The following ANKRD30B variants were observed in gnomAD, a reference collection of about 807,000 sequenced individuals.
ANKRD30B encodes the protein ankyrin repeat domain 30B, also known as ankyrin repeat domain-containing protein 30B.
ANKRD30B carries 144 observed loss-of-function variants against 202.2 expected under a neutral mutation model. That is an observed-to-expected ratio of 0.71 (90% CI 0.62 to 0.82). The LOEUF (loss-of-function observed/expected upper bound fraction) is 0.82, where lower values mean the gene tolerates loss of function less well. Among genes scored for constraint, ANKRD30B ranks in the 40% least tolerant of loss-of-function variants. ANKRD30B has a pLI of 0.00. For missense variants in ANKRD30B, 1,487 were observed against 1,669.1 expected, an observed-to-expected ratio of 0.89 and a Z score of 1.90; for synonymous variants, 508 against 561.3, an observed-to-expected ratio of 0.91 and a Z score of 1.34.
rs995126784 is a variant in ANKRD30B at position 14,824,106 on chromosome 18, C to G, written c.2743+1429C>G. Among the ~76,000 whole-genome samples, 150 of 24,608 alleles carry G rather than the reference C, an allele frequency of 6.1e-3. 1 individual carries two copies. In the South Asian group the frequency reaches 0.12, roughly 20 times the overall value. 16.1% of individuals were successfully genotyped at this position (24,608 alleles called of 152,430 possible). On this transcript the variant is annotated intron_variant, in intron 32 of 43. Transcript: ENST00000690538. Reference sequence around the variant, plus strand: ...GTACACTGTACATATTATTTTGGAACTTCCTTTTTTTTTACTTATCTTATA... The same window carrying G: ...GTACACTGTACATATTATTTTGGAAGTTCCTTTTTTTTTACTTATCTTATA...
Position 14,800,273 on chromosome 18 carries a change from C to G in ANKRD30B, c.2131+978C>G, listed in dbSNP as rs1489166399. Among the ~76,000 whole-genome samples, 2 of 149,838 alleles carry G rather than the reference C, an allele frequency of 1.3e-5. 1 individual carries two copies. The highest frequency in any genetic ancestry group is 5.1e-5 in the African/African-American group (2 of 39,542). The stretch of plus-strand genomic sequence containing the variant: ...TCACAACATATGTGTGTGGTTCTGA[C>G]TATGTGTAGAATTTGTTTTGACGTC... On this transcript the variant is annotated intron_variant, in intron 22 of 43. Coordinates refer to ENST00000690538, the MANE Select transcript of ANKRD30B (RefSeq NM_001367607.2).
Position 14,803,796 on chromosome 18 carries a change from A to T in ANKRD30B, c.2256A>T (p.Glu752Asp), listed in dbSNP as rs769238917. 2 of 1,603,502 alleles carry T rather than the reference A, an allele frequency of 1.2e-6. No homozygotes were observed. Among genetic ancestry groups the T allele is most frequent in the Non-Finnish European group, 1.7e-6 (2 of 1,177,598 alleles). The change falls in exon 24 of 44, where the codon GAA becomes GAT. Residue 752 changes from glutamate (E) to aspartate (D), a missense_variant. Physicochemically the swap from Glu to Asp is conservative, Grantham distance 45. Coordinates refer to ENST00000690538, the MANE Select transcript of ANKRD30B (RefSeq NM_001367607.2). ...TACCCAAGGCTACACATCAAAAAGA[A>T]TTCGATACCTTAAGTGGAAAATTAG... Reference protein sequence around the residue: ...VCLPKATHQKEFDTLSGKLEE... With the variant: ...VCLPKATHQKDFDTLSGKLEE...
chr18:14,932,709 C>A, the ANKRD30B span, among the ~76,000 whole-genome samples: 1 of 152,120 alleles, frequency 6.6e-6, no homozygotes, highest in African/African-American at 2.4e-5. Context: ...TCCCTGTAGC[C>A]CCTGCTCCCC....
intron 8 of ANKRD30B, 121 bp downstream of exon 8, chr18:14,769,494 C>T (rs780455374): frequency 2.5e-5 from 18 of 725,390 alleles, no homozygotes; most frequent in African/African-American, 3.6e-5. Context: ...TAATATTTAT[C>T]ATCTCACATA....
At chr18:14,897,971 A>T in the ANKRD30B span, among the ~76,000 whole-genome samples, 4 of 152,190 alleles carry the variant, frequency 2.6e-5, no homozygotes, top group African/African-American at 9.7e-5. Flanking sequence ...TATTTTATGC[A>T]CTATTAGGCT....
chr18:14,830,913 T>C (rs1302225247), intron 33 of ANKRD30B, among the ~76,000 whole-genome samples: 4 of 152,144 alleles, frequency 2.6e-5, no homozygotes, highest in African/African-American at 9.7e-5. Context: ...CCGGGCGCGG[T>C]GGCTCACGCC....
intron 1 of ANKRD30B, among the ~76,000 whole-genome samples, chr18:14,751,575 A>G (rs1913461954): frequency 6.6e-6 from 1 of 152,154 alleles, no homozygotes. Flanking sequence ...AGCTCTAAAT[A>G]GTAATATTAA....
chr18:14,896,157 A>T, the ANKRD30B span, among the ~76,000 whole-genome samples: 1 of 147,688 alleles, frequency 6.8e-6, no homozygotes, highest in Non-Finnish European at 1.5e-5. Flanking sequence ...TTTTTGAGGC[A>T]CTCTCACTCT....
At chr18:14,865,469 C>G in the ANKRD30B span, among the ~76,000 whole-genome samples, 1 of 151,710 alleles carries the variant, frequency 6.6e-6, no homozygotes, top group Non-Finnish European at 1.5e-5. Context: ...TGCAAACCTT[C>G]TCTCCTTCCT....
chr18:14,779,345 C>T (rs575727349), intron 10 of ANKRD30B, among the ~76,000 whole-genome samples: 3 of 152,244 alleles, frequency 2.0e-5, no homozygotes, highest in African/African-American at 7.2e-5. Context: ...GCTATTGTTG[C>T]ATTGAGGAAA....
the ANKRD30B span, among the ~76,000 whole-genome samples, chr18:14,939,588 C>T: frequency 3.3e-5 from 5 of 152,228 alleles, no homozygotes; most frequent in African/African-American, 1.2e-4. Context: ...CTTGAGTCAA[C>T]TCCTGAAAGC....
At chr18:14,749,437 C>T (rs778226534) in intron 1 of ANKRD30B, among the ~76,000 whole-genome samples, 1 of 151,914 alleles carries the variant, frequency 6.6e-6, no homozygotes, top group African/African-American at 2.4e-5. Context: ...TTTGGGCGGC[C>T]GAGGCGGGTG....
intron 24 of ANKRD30B, among the ~76,000 whole-genome samples, chr18:14,807,817 C>T (rs1969615672): frequency 1.3e-5 from 2 of 150,950 alleles, no homozygotes; most frequent in Admixed American, 1.3e-4. Context: ...CAGGCATGAG[C>T]CACGGCACCT....
At position 14,791,411 on chromosome 18, in the gene ANKRD30B, A is replaced by G; in HGVS notation, c.1745A>G (p.Glu582Gly). ...TATTACTTTTAACAGAGTCCCTGTGAGACGGTTTCACAGAAGGATGTGTAT... is the reference window on the plus strand; with the variant it reads ...TATTACTTTTAACAGAGTCCCTGTGGGACGGTTTCACAGAAGGATGTGTAT... Reference protein sequence around the residue: ...ENSWDSESPCETVSQKDVYLP... With the variant: ...ENSWDSESPCGTVSQKDVYLP... Residue 582 changes from glutamate to glycine, a missense_variant, in exon 16 of 44, where the codon GAG (glutamate) becomes GGG (glycine). Glu to Gly is a moderately conservative substitution (Grantham distance 98). Transcript: ENST00000690538. 1 of 1,608,088 alleles carries G rather than the reference A, an allele frequency of 6.2e-7. No individual in the cohort carries two copies. The highest frequency in any genetic ancestry group is 8.5e-7 in the Non-Finnish European group (1 of 1,177,772).
chr18:14,760,475 TA>T, intron 5 of ANKRD30B, 78 bp from the exon 6 acceptor site: 1 of 803,106 alleles, frequency 1.2e-6, no homozygotes, highest in Non-Finnish European at 2.0e-6. Flanking sequence ...TGAAATACTC[TA>T]AGAACTTAAT....
intron 24 of ANKRD30B, 67 bp from the exon 25 acceptor site, chr18:14,808,484 G>T (rs1256257408): frequency 7.6e-7 from 1 of 1,319,050 alleles, no homozygotes; most frequent in Non-Finnish European, 1.1e-6. Flanking sequence ...TATTCACATT[G>T]TACGAATGCT....
At chr18:14,791,342 A>T in intron 15 of ANKRD30B, 59 bp from the exon 16 acceptor site, 1 of 1,402,370 alleles carries the variant, frequency 7.1e-7, no homozygotes, top group Non-Finnish European at 9.8e-7. Flanking sequence ...GAAAATTTTG[A>T]TACTCTTCAT....
intron 30 of ANKRD30B, among the ~76,000 whole-genome samples, chr18:14,818,402 G>A (rs1970228000): frequency 6.6e-6 from 1 of 151,688 alleles, no homozygotes; most frequent in East Asian, 1.9e-4. Flanking sequence ...GGGTACATGT[G>A]CACATTGTGC....
At chr18:14,755,175 T>TA in intron 4 of ANKRD30B, among the ~76,000 whole-genome samples, 170 bp downstream of exon 4, 1 of 152,240 alleles carries the variant, frequency 6.6e-6, no homozygotes, top group Admixed American at 6.5e-5. Context: ...CTGGTCAACA[T>TA]AAAAAACAGT....
Sources: allele counts gnomAD v4.1 joint callset (sites outside exome capture counted in the v4.1 genomes callset), GRCh38; gene constraint gnomAD v4.1.1; transcripts MANE v1.5; gene names NCBI Gene and HGNC (gene_info 2026-07-23, HGNC 2026-07-21).